Variants in ARNT2 observed in about 807,000 individuals in gnomAD.
ARNT2 encodes ARNT protein 2.
Under a neutral mutation model 91.7 loss-of-function variants are expected in ARNT2, and 36 were observed. The observed-to-expected ratio is 0.39, with a 90% CI of 0.30 to 0.52. ARNT2 has a LOEUF of 0.52. Among genes scored for constraint, ARNT2 ranks in the 20% least tolerant of loss-of-function variants. The probability of loss-of-function intolerance (pLI) is 0.72; values close to 1 mark genes in which losing one functional copy is unlikely to be tolerated. For synonymous variants in ARNT2, 365 were observed against 347.1 expected, an observed-to-expected ratio of 1.05 and a Z score of -0.57; for missense variants, 775 against 939.3, an observed-to-expected ratio of 0.83 and a Z score of 2.29.
chr15:80,494,705 A>C (rs1897102296), intron 5 of ARNT2, among the ~76,000 whole-genome samples: 2 of 152,122 alleles, frequency 1.3e-5, no homozygotes, highest in East Asian at 1.9e-4. Context: ...AAAAGCTGTG[A>C]AGTTCTCAGG....
chr15:80,413,551 T>C (rs966817949), intron 1 of ARNT2, among the ~76,000 whole-genome samples: 12 of 152,230 alleles, frequency 7.9e-5, no homozygotes, highest in African/African-American at 2.9e-4. Context: ...AATGTGTTTG[T>C]TTCTGATTTG....
At chr15:80,474,901 C>T (rs1046888559) in intron 4 of ARNT2, 109 bp from the exon 5 acceptor site, 1 of 1,106,358 alleles carries the variant, frequency 9.0e-7, no homozygotes, top group Non-Finnish European at 1.3e-6. Flanking sequence ...ATTTGTGTAC[C>T]AGAATAAATA....
At chr15:80,539,227 A>C (rs1248118407) in intron 8 of ARNT2, among the ~76,000 whole-genome samples, 1 of 152,144 alleles carries the variant, frequency 6.6e-6, no homozygotes, top group Non-Finnish European at 1.5e-5. Flanking sequence ...CTATGAACCC[A>C]ATTTCATGTG....
intron 5 of ARNT2, among the ~76,000 whole-genome samples, chr15:80,493,394 G>A (rs562285430): frequency 1.3e-5 from 2 of 152,270 alleles, no homozygotes; most frequent in South Asian, 4.2e-4. Context: ...TTCCTGAATT[G>A]TGTACAGCTA....
intron 5 of ARNT2, among the ~76,000 whole-genome samples, chr15:80,500,454 G>A (rs1334385713): frequency 2.6e-5 from 4 of 152,012 alleles, no homozygotes; most frequent in African/African-American, 9.7e-5. Context: ...TTTTCTTAAG[G>A]ATTCTTTTGA....
At chr15:80,451,164 GT>G (rs1161783919) in intron 2 of ARNT2, among the ~76,000 whole-genome samples, 170 bp downstream of exon 2, 1 of 152,246 alleles carries the variant, frequency 6.6e-6, no homozygotes, top group East Asian at 1.9e-4. Flanking sequence ...GCTTCTAAGT[GT>G]TTTGGGCCTC....
At chr15:80,505,924 G>GTTTTTTTTTTT (rs1486880107) in intron 5 of ARNT2, among the ~76,000 whole-genome samples, 6 of 71,188 alleles carry the variant, frequency 8.4e-5, no homozygotes, top group African/African-American at 2.6e-4. Flanking sequence ...CCCAACATTT[G>GTTTTTTTTTTT]TTGTTTTTTT....
chr15:80,466,096 G>A (rs75839130), intron 3 of ARNT2, among the ~76,000 whole-genome samples: 1,729 of 152,316 alleles, frequency 0.011, 18 homozygotes, highest in East Asian at 0.051. Flanking sequence ...TGCTTGCTCC[G>A]GGTCTAAGGT....
At chr15:80,534,336 A>G (rs1285500337) in intron 8 of ARNT2, among the ~76,000 whole-genome samples, 2 of 151,862 alleles carry the variant, frequency 1.3e-5, no homozygotes, top group Non-Finnish European at 2.9e-5. Flanking sequence ...TTGTCTTTTT[A>G]AGAAAATGAT....
intron 8 of ARNT2, among the ~76,000 whole-genome samples, chr15:80,536,586 A>C (rs1897827357): frequency 6.6e-6 from 1 of 152,174 alleles, no homozygotes; most frequent in African/African-American, 2.4e-5. Flanking sequence ...CAATTTTACA[A>C]GCTGTTCTTT....
intron 3 of ARNT2, among the ~76,000 whole-genome samples, chr15:80,460,461 T>A (rs904461941): frequency 3.3e-5 from 5 of 152,294 alleles, no homozygotes; most frequent in African/African-American, 9.6e-5. Flanking sequence ...AGCACGCACA[T>A]GCACACGCCC....
Position 80,576,866 on chromosome 15 carries a change from C to T in ARNT2, c.1514C>T (p.Ser505Leu), listed in dbSNP as rs765887285. ...GTGACTCCTGCTCTGGTTTTCCTAG[C>T]GGAGAAGAAGATGATGAGCTCAGCC... ...FAEMFAGISA[S>L]EKKMMSSASA... Residue 505 changes from serine (S) to leucine (L), a missense_variant and splice_region_variant, in exon 15 of 19, where the codon TCG (serine) becomes TTG (leucine). Ser to Leu is a moderately radical substitution (Grantham distance 145, BLOSUM62 -2). Transcript: ENST00000303329. 39 of 1,613,828 alleles carry T rather than the reference C, an allele frequency of 2.4e-5. No individual in the cohort carries two copies. Among genetic ancestry groups the T allele is most frequent in the East Asian group, 8.9e-5 (4 of 44,884 alleles).
chr15:80,589,873 T>C (rs750248648), intron 17 of ARNT2, among the ~76,000 whole-genome samples: 3 of 152,214 alleles, frequency 2.0e-5, no homozygotes, highest in Non-Finnish European at 4.4e-5. Context: ...CAGAATCCTA[T>C]GTGCACAGTA....
In ARNT2 at chr15:80,584,478, C is replaced by T. The variant is rs1034340995; in HGVS notation, c.1918+3074C>T. ...GTGAGGATGGTTACTCCCGAGGGCA[C>T]AGTGGGAAAGGGTGCAGGGAACAGA... On this transcript the variant is annotated intron_variant, in intron 17 of 18. Coordinates refer to ENST00000303329, the MANE Select transcript of ARNT2 (RefSeq NM_014862.4). 9.9e-5 allele frequency among the ~76,000 whole-genome samples: 15 copies of T among 152,096 alleles called. 2 individuals are homozygous for T. Among genetic ancestry groups the T allele is most frequent in the Admixed American group, 3.3e-4 (5 of 15,274 alleles).
intron 8 of ARNT2, among the ~76,000 whole-genome samples, chr15:80,518,188 T>C (rs901002361): frequency 2.6e-5 from 4 of 152,122 alleles, no homozygotes; most frequent in African/African-American, 9.6e-5. Context: ...ATTGTAGCTA[T>C]AGGTTCCAGA....
intron 6 of ARNT2, among the ~76,000 whole-genome samples, chr15:80,511,951 A>G (rs901424114): frequency 6.6e-6 from 1 of 152,196 alleles, no homozygotes; most frequent in Non-Finnish European, 1.5e-5. Context: ...GAGAACCAGC[A>G]GGAGATATGG....
In ARNT2 at chr15:80,563,288, G is replaced by A. The variant is rs754752706; in HGVS notation, c.1316+49G>A. The stretch of plus-strand genomic sequence containing the variant: ...TCCTGGAATCCACATGCGCTTGCTT[G>A]GGTCCAGAGCTGGCAATTTTATTTG... On this transcript the variant is annotated intron_variant, in intron 12 of 18. Transcript: ENST00000303329. 9.3e-6 allele frequency: 15 copies of A among 1,609,852 alleles called. No homozygotes were observed. In the South Asian group the frequency reaches 1.5e-4, roughly 17 times the overall value.
At chr15:80,522,586 T>A (rs182494538) in intron 8 of ARNT2, among the ~76,000 whole-genome samples, 2 of 152,208 alleles carry the variant, frequency 1.3e-5, no homozygotes, top group East Asian at 3.9e-4. Context: ...CTGTACAGCA[T>A]GTTATTGTAC....
intron 1 of ARNT2, among the ~76,000 whole-genome samples, chr15:80,410,182 G>A (rs1252434788): frequency 6.6e-6 from 1 of 152,194 alleles, no homozygotes; most frequent in Non-Finnish European, 1.5e-5. Context: ...GAGAATGAGA[G>A]AGAGGGAGGT....
Sources: allele counts gnomAD v4.1 joint callset (sites outside exome capture counted in the v4.1 genomes callset), GRCh38; gene constraint gnomAD v4.1.1; transcripts MANE v1.5; gene names NCBI Gene and HGNC (gene_info 2026-07-23, HGNC 2026-07-21).